Variants in SLC9A9 observed in about 807,000 individuals in gnomAD.
SLC9A9 encodes the protein solute carrier family 9 member A9.
SLC9A9 carries 62 observed loss-of-function variants against 77.8 expected under a neutral mutation model. The ratio of observed to expected loss-of-function variants is 0.80; its 90% CI spans 0.65 to 0.98. The LOEUF (loss-of-function observed/expected upper bound fraction) is 0.98, where lower values mean the gene tolerates loss of function less well. Ranked by LOEUF, SLC9A9 falls within the 50% of genes least tolerant of loss-of-function variation. SLC9A9 has a pLI of 0.00. For synonymous variants in SLC9A9, 320 were observed against 283.5 expected, an observed-to-expected ratio of 1.13 and a Z score of -1.29; for missense variants, 775 against 774.9, an observed-to-expected ratio of 1.00 and a Z score of 0.00.
chr3:143,278,578 A>G (rs1938121315), intron 14 of SLC9A9, among the ~76,000 whole-genome samples: 1 of 152,204 alleles, frequency 6.6e-6, no homozygotes, highest in South Asian at 2.1e-4. Flanking sequence ...CCTGGCTGGT[A>G]GACGCATCGC....
At chr3:143,811,757 G>C (rs1482776996) in intron 2 of SLC9A9, 1 of 454,060 alleles carries the variant, frequency 2.2e-6, no homozygotes, top group Non-Finnish European at 4.4e-6. Context: ...AGCTACTCTG[G>C]AGTCTAAGGC....
intron 4 of SLC9A9, among the ~76,000 whole-genome samples, chr3:143,771,697 G>A (rs927616629): frequency 6.6e-6 from 1 of 152,188 alleles, no homozygotes; most frequent in African/African-American, 2.4e-5. Flanking sequence ...TGGTTAATAA[G>A]ACATGATTTC....
chr3:143,792,634 T>C (rs2008257944), intron 4 of SLC9A9, among the ~76,000 whole-genome samples: 2 of 152,168 alleles, frequency 1.3e-5, no homozygotes, highest in South Asian at 4.1e-4. Context: ...CCAATACTCC[T>C]TGGTGCCTTG....
At chr3:143,768,853 G>A (rs1051933600) in intron 4 of SLC9A9, among the ~76,000 whole-genome samples, 4 of 152,172 alleles carry the variant, frequency 2.6e-5, no homozygotes, top group Non-Finnish European at 5.9e-5. Flanking sequence ...GTGTATAAAT[G>A]TTTGTATTTT....
intron 2 of SLC9A9, among the ~76,000 whole-genome samples, chr3:143,816,594 C>A (rs2009024070): frequency 6.6e-6 from 1 of 152,092 alleles, no homozygotes; most frequent in African/African-American, 2.4e-5. Flanking sequence ...TCTCTTGTTA[C>A]CATTACTAAA....
intron 5 of SLC9A9, among the ~76,000 whole-genome samples, chr3:143,653,182 G>T (rs562487818): frequency 6.6e-6 from 1 of 152,182 alleles, no homozygotes; most frequent in Non-Finnish European, 1.5e-5. Flanking sequence ...ATGATCTTAA[G>T]AACAGGACAT....
At chr3:143,533,958 T>C (rs1259600197) in intron 9 of SLC9A9, among the ~76,000 whole-genome samples, 1 of 152,224 alleles carries the variant, frequency 6.6e-6, no homozygotes, top group Non-Finnish European at 1.5e-5. Context: ...TCTTGCAAGT[T>C]GGAATAATTT....
chr3:143,449,855 TTA>T (rs367672618), intron 12 of SLC9A9, among the ~76,000 whole-genome samples: 31,117 of 72,830 alleles, frequency 0.43, 7,181 homozygotes, highest in African/African-American at 0.53. Flanking sequence ...ATATATATAA[TTA>T]TATATATAAA....
intron 13 of SLC9A9, among the ~76,000 whole-genome samples, chr3:143,368,496 GCTC>G (rs1156992104): frequency 2.6e-5 from 4 of 152,330 alleles, no homozygotes; most frequent in Non-Finnish European, 4.4e-5. Flanking sequence ...ATACGGGATT[GCTC>G]CTCATTTCAG....
rs531592234 is a variant in SLC9A9 at position 143,721,693 on chromosome 3, C to A, written c.534-28386G>T. On this transcript the variant is annotated intron_variant, in intron 4 of 15. Transcript: ENST00000316549. ...GCAGCCACGTCTTTACAGAGTCCCTCACACGAGCCTCGGGCAGAAGTGACG... is the reference window on the plus strand; with the variant it reads ...GCAGCCACGTCTTTACAGAGTCCCTAACACGAGCCTCGGGCAGAAGTGACG... Among the ~76,000 whole-genome samples the A allele has an allele frequency of 3.6e-4, 55 of 152,300 alleles. No homozygotes were observed. In the South Asian group the frequency reaches 0.011, roughly 31 times the overall value.
chr3:143,385,275 A>G (rs1056883346), intron 12 of SLC9A9, among the ~76,000 whole-genome samples: 1 of 152,058 alleles, frequency 6.6e-6, no homozygotes, highest in Non-Finnish European at 1.5e-5. Context: ...TGACAGTCAA[A>G]TTTATTTTTA....
At chr3:143,558,183 A>G (rs2037020490) in intron 8 of SLC9A9, among the ~76,000 whole-genome samples, 1 of 152,214 alleles carries the variant, frequency 6.6e-6, no homozygotes, top group Admixed American at 6.5e-5. Context: ...CTCCACCTAG[A>G]TTTCAGAGGA....
chr3:143,585,842 T>A (rs188182001), intron 6 of SLC9A9, among the ~76,000 whole-genome samples: 1 of 152,324 alleles, frequency 6.6e-6, no homozygotes, highest in Admixed American at 6.5e-5. Context: ...CTGGTCTCTG[T>A]GTTTTGTGTG....
At chr3:143,684,740 T>A (rs917322494) in intron 5 of SLC9A9, among the ~76,000 whole-genome samples, 1 of 152,108 alleles carries the variant, frequency 6.6e-6, no homozygotes, top group Non-Finnish European at 1.5e-5. Context: ...ATGGCACATA[T>A]ATGATATTTG....
intron 5 of SLC9A9, among the ~76,000 whole-genome samples, chr3:143,675,186 T>C (rs1272257004): frequency 6.6e-6 from 1 of 152,212 alleles, no homozygotes; most frequent in African/African-American, 2.4e-5. Flanking sequence ...AAAGCTTAAG[T>C]GGCCACCTTG....
chr3:143,532,902 C>T (rs964526882), intron 9 of SLC9A9, among the ~76,000 whole-genome samples: 3 of 152,170 alleles, frequency 2.0e-5, no homozygotes, highest in African/African-American at 4.8e-5. Context: ...CTGTTCACAC[C>T]TAATTATTCT....
At chr3:143,564,424 T>A (rs907012498) in intron 8 of SLC9A9, among the ~76,000 whole-genome samples, 2 of 152,024 alleles carry the variant, frequency 1.3e-5, no homozygotes, top group Non-Finnish European at 2.9e-5. Flanking sequence ...AGAGAATGAA[T>A]AAGAAAGAAA....
chr3:143,589,907 G>C (rs2037618109), intron 6 of SLC9A9, among the ~76,000 whole-genome samples: 1 of 152,070 alleles, frequency 6.6e-6, no homozygotes, highest in Non-Finnish European at 1.5e-5. Flanking sequence ...CTGAGGCAAA[G>C]TCCACTCTTG....
At chr3:143,458,263 T>C (rs774722836) in intron 12 of SLC9A9, among the ~76,000 whole-genome samples, 2 of 152,164 alleles carry the variant, frequency 1.3e-5, no homozygotes, top group South Asian at 4.1e-4. Flanking sequence ...TCATTTTGAT[T>C]GGTGTTTGCA....
Sources: gnomAD v4.1 joint callset for allele counts (sites outside exome capture counted in the v4.1 genomes callset) on GRCh38, gnomAD v4.1.1 for gene constraint, MANE v1.5 for transcripts, NCBI Gene and HGNC (gene_info 2026-07-23, HGNC 2026-07-21) for gene names.